NR6A1: variants seen among roughly 807,000 people sequenced by gnomAD.
NR6A1 encodes the protein retinoic acid receptor-related testis-associated receptor.
Under a neutral mutation model 59.1 loss-of-function variants are expected in NR6A1, and 7 were observed. That is an observed-to-expected ratio of 0.12 (90% CI 0.07 to 0.22). The LOEUF (loss-of-function observed/expected upper bound fraction) is 0.22, where lower values mean the gene tolerates loss of function less well. Among genes scored for constraint, NR6A1 ranks in the 10% least tolerant of loss-of-function variants. The probability of loss-of-function intolerance (pLI) is 1.00; values close to 1 mark genes in which losing one functional copy is unlikely to be tolerated. For synonymous variants in NR6A1, 243 were observed against 236.1 expected (o/e 1.03, Z -0.27); for missense variants, 468 against 611.6 (o/e 0.77, Z 2.48).
intron 3 of NR6A1, among the ~76,000 whole-genome samples, chr9:124,553,549 CTTTTT>C (rs780925768): frequency 2.1e-5 from 1 of 47,324 alleles, no homozygotes; most frequent in Non-Finnish European, 4.0e-5. Flanking sequence ...TTTAGCTTGA[CTTTTT>C]TTTTTTTTTT....
chr9:124,693,943 C>T, intron 2 of NR6A1: 1 of 299,946 alleles, frequency 3.3e-6, no homozygotes, highest in South Asian at 2.8e-5. Flanking sequence ...TCTCTAAATT[C>T]CTAGTACTTT....
intron 2 of NR6A1, chr9:124,599,614 C>A: frequency 8.5e-7 from 1 of 1,172,228 alleles, no homozygotes; most frequent in South Asian, 1.5e-5. Flanking sequence ...TCGGCTGAGT[C>A]GGTCGTCGCC....
chr9:124,593,238 C>T (rs1376617991), intron 2 of NR6A1, among the ~76,000 whole-genome samples: 1 of 152,148 alleles, frequency 6.6e-6, no homozygotes, highest in Non-Finnish European at 1.5e-5. Flanking sequence ...AAATAACACA[C>T]TAGGAACATC....
At position 124,741,704 on chromosome 9, in the gene NR6A1, T is replaced by C. The variant is rs1048462735; in HGVS notation, c.101-8355A>G. On this transcript the variant is annotated intron_variant, in intron 1 of 9. Coordinates refer to ENST00000487099, the MANE Select transcript of NR6A1 (RefSeq NM_033334.4). The stretch of plus-strand genomic sequence containing the variant: ...ATTAACACTATGGGACAGATGGACA[T>C]GATACACTGGGAAGCAGTGCAGAGT... Among the ~76,000 whole-genome samples the C allele has an allele frequency of 2.2e-4, 33 of 152,312 alleles. No homozygotes were observed. The South Asian group carries it at 3.5e-3, about 16-fold the overall frequency.
At chr9:124,672,774 T>C (rs1837834442) in intron 2 of NR6A1, among the ~76,000 whole-genome samples, 1 of 152,152 alleles carries the variant, frequency 6.6e-6, no homozygotes, top group Non-Finnish European at 1.5e-5. Context: ...TGCAGTGGTA[T>C]ATCCTTTTTT....
chr9:124,603,775 A>C (rs950200297), intron 2 of NR6A1, among the ~76,000 whole-genome samples: 6 of 152,084 alleles, frequency 3.9e-5, no homozygotes, highest in South Asian at 2.1e-4. Context: ...GAAAGGGGGA[A>C]AAAAAACCTT....
At position 124,591,449 on chromosome 9, in the gene NR6A1, A is replaced by G. The variant is rs772946001; in HGVS notation, c.143-36879T>C. On this transcript the variant is annotated intron_variant, in intron 2 of 9. Coordinates refer to ENST00000487099, the MANE Select transcript of NR6A1 (RefSeq NM_033334.4). ...CAGGAAGCCTGTAGCAAAGCCATAT[A>G]CGTAGCCAAGTTTTTATGAGCCATC... is the stretch of plus-strand genomic sequence containing the variant. Among the ~76,000 whole-genome samples the G allele has an allele frequency of 5.3e-5, 8 of 152,224 alleles. No homozygotes were observed. In the East Asian group the frequency reaches 7.7e-4, roughly 15 times the overall value.
chr9:124,692,683 T>C (rs1588793143), intron 2 of NR6A1: 1 of 254,316 alleles, frequency 3.9e-6, no homozygotes, highest in East Asian at 1.0e-4. Flanking sequence ...CACTGTTCCT[T>C]GCTTTCTGTT....
chr9:124,529,494 T>C (rs1326743185), intron 7 of NR6A1, among the ~76,000 whole-genome samples: 1 of 152,194 alleles, frequency 6.6e-6, no homozygotes, highest in Non-Finnish European at 1.5e-5. Flanking sequence ...GAAAAAGAGA[T>C]GGCTACCCCA....
intron 1 of NR6A1, among the ~76,000 whole-genome samples, chr9:124,752,446 T>G (rs948149089): frequency 6.6e-6 from 1 of 152,210 alleles, no homozygotes; most frequent in African/African-American, 2.4e-5. Context: ...AGCTACCTAT[T>G]GTTTCCAATA....
At chr9:124,719,876 G>A (rs906111430) in intron 2 of NR6A1, among the ~76,000 whole-genome samples, 4 of 151,894 alleles carry the variant, frequency 2.6e-5, no homozygotes, top group African/African-American at 7.3e-5. Flanking sequence ...AGCCATGATC[G>A]CACCATTGCA....
intron 2 of NR6A1, among the ~76,000 whole-genome samples, chr9:124,665,137 GTTCACCC>G (rs1837572699): frequency 6.8e-6 from 1 of 147,630 alleles, no homozygotes; most frequent in Non-Finnish European, 1.5e-5. Flanking sequence ...AGGGAGCCAT[GTTCACCC>G]CACTGCACTA....
intron 2 of NR6A1, among the ~76,000 whole-genome samples, chr9:124,584,280 G>C (rs1834856465): frequency 6.6e-6 from 1 of 151,794 alleles, no homozygotes; most frequent in Non-Finnish European, 1.5e-5. Flanking sequence ...GCTAATTTTT[G>C]AATTTTTAGT....
At chr9:124,689,990 C>A (rs555228936) in intron 2 of NR6A1, among the ~76,000 whole-genome samples, 2 of 152,086 alleles carry the variant, frequency 1.3e-5, no homozygotes, top group South Asian at 2.1e-4. Context: ...ATTCTACTGC[C>A]GAATCAGTAA....
At chr9:124,525,510 C>G (rs1832908746) in intron 8 of NR6A1, among the ~76,000 whole-genome samples, 1 of 151,992 alleles carries the variant, frequency 6.6e-6, no homozygotes, top group East Asian at 1.9e-4. Flanking sequence ...TGTGTGCCAC[C>G]ATGCTCAACT....
chr9:124,569,111 T>C (rs1243317097), intron 2 of NR6A1, among the ~76,000 whole-genome samples: 2 of 151,598 alleles, frequency 1.3e-5, no homozygotes, highest in Non-Finnish European at 2.9e-5. Flanking sequence ...AGACTCCATC[T>C]CAAAAAAAAA....
rs370586680 is a variant in NR6A1 at position 124,540,015 on chromosome 9, G to GA, written c.596+17_596+18insT. On this transcript the variant is annotated intron_variant, in intron 5 of 9. Coordinates refer to ENST00000487099, the MANE Select transcript of NR6A1 (RefSeq NM_033334.4). ...GGGGATCCCTAGATGATGACCATGG[G>GA]TTTGCCTTAAAGCTCACCTGGAAGA... is the stretch of plus-strand genomic sequence containing the variant. 7 of 1,561,748 alleles carry GA rather than the reference G, an allele frequency of 4.5e-6. No individual in the cohort carries two copies. The East Asian group carries it at 1.1e-4, about 25-fold the overall frequency.
intron 2 of NR6A1, among the ~76,000 whole-genome samples, chr9:124,604,030 G>T (rs73581853): frequency 0.019 from 2,954 of 152,320 alleles, 82 homozygotes; most frequent in African/African-American, 0.066. Flanking sequence ...ATAGGTAAAA[G>T]AAAGGACAAT....
chr9:124,645,897 T>C (rs1234871214), intron 2 of NR6A1, among the ~76,000 whole-genome samples: 4 of 152,136 alleles, frequency 2.6e-5, no homozygotes, highest in Non-Finnish European at 4.4e-5. Flanking sequence ...TTAACAAATT[T>C]AGAATAATAG....
Sources: gnomAD v4.1 joint callset for allele counts (sites outside exome capture counted in the v4.1 genomes callset) on GRCh38, gnomAD v4.1.1 for gene constraint, MANE v1.5 for transcripts, NCBI Gene and HGNC (gene_info 2026-07-23, HGNC 2026-07-21) for gene names.